The following FGD6 variants were observed in gnomAD, a reference collection of about 807,000 sequenced individuals.
FGD6 encodes FYVE, RhoGEF and PH domain-containing protein 6.
Under a neutral mutation model 149.4 loss-of-function variants are expected in FGD6, and 90 were observed. The ratio of observed to expected loss-of-function variants is 0.60; its 90% CI spans 0.51 to 0.72. The LOEUF (loss-of-function observed/expected upper bound fraction) is 0.72, where lower values mean the gene tolerates loss of function less well. Among genes scored for constraint, FGD6 ranks in the 30% least tolerant of loss-of-function variants. FGD6 has a pLI of 0.00. For missense variants in FGD6, 1,437 were observed against 1,684.8 expected (o/e 0.85, Z 2.57); for synonymous variants, 527 against 584.0 (o/e 0.90, Z 1.41).
rs1428336510 is a variant in FGD6 at position 95,210,858 on chromosome 12, TA to T, written c.425del (p.Leu142Ter). On this transcript the variant is annotated frameshift_variant, in exon 2 of 21. Transcript: ENST00000343958. LOFTEE classifies it high-confidence loss of function. ...VLEPLEMNEN[L>X]ENSKIDETLT... is the part of the protein sequence containing the mutation. ...AAGTCTCATCAATTTTACTGTTTTCTAAATTTTCATTCATTTCCAGGGGCTC... is the reference window on the plus strand; with the variant it reads ...AAGTCTCATCAATTTTACTGTTTTCTAATTTTCATTCATTTCCAGGGGCTC... 6.2e-7 allele frequency: 1 copy of T among 1,610,460 alleles called. No homozygotes were observed.
intron 2 of FGD6, among the ~76,000 whole-genome samples, chr12:95,187,652 CA>C (rs748641850): frequency 1.8e-4 from 19 of 106,678 alleles, no homozygotes; most frequent in African/African-American, 6.3e-4. Flanking sequence ...GCTGCGTCCC[CA>C]AAAAAAAAAC....
chr12:95,167,226 T>C (rs1880845418), intron 3 of FGD6, among the ~76,000 whole-genome samples: 1 of 152,218 alleles, frequency 6.6e-6, no homozygotes, highest in African/African-American at 2.4e-5. Flanking sequence ...TGTGGACATA[T>C]GCTTTCATAT....
chr12:95,196,790 C>T (rs947340456), intron 2 of FGD6, among the ~76,000 whole-genome samples: 1 of 151,760 alleles, frequency 6.6e-6, no homozygotes, highest in Non-Finnish European at 1.5e-5. Context: ...TAGGTACATG[C>T]CACCATGCCT....
intron 7 of FGD6, among the ~76,000 whole-genome samples, chr12:95,137,044 G>A (rs532759083): frequency 5.3e-5 from 8 of 152,240 alleles, no homozygotes; most frequent in Middle Eastern, 3.4e-3. Context: ...TTGGGAGGCC[G>A]AGCAGGGTGG....
chr12:95,084,466 G>A (rs1355271680), intron 20 of FGD6, 32 bp downstream of exon 20: 1 of 1,486,896 alleles, frequency 6.7e-7, no homozygotes, highest in South Asian at 1.5e-5. Context: ...GAAATCTCAT[G>A]AATAAAAGAA....
At chr12:95,133,852 G>A (rs1879590935) in intron 8 of FGD6, among the ~76,000 whole-genome samples, 1 of 152,178 alleles carries the variant, frequency 6.6e-6, no homozygotes, top group African/African-American at 2.4e-5. Context: ...TATCTCATCT[G>A]TGAAGATAAA....
chr12:95,172,793 G>C, intron 2 of FGD6, 49 bp from the exon 3 acceptor site: 1 of 1,452,888 alleles, frequency 6.9e-7, no homozygotes, highest in Middle Eastern at 1.9e-4. Flanking sequence ...AATAAGAAGT[G>C]CTAGCAAAAC....
rs566996786 is a variant in FGD6 at position 95,181,826 on chromosome 12, C to T, written c.2442-9082G>A. On this transcript the variant is annotated intron_variant, in intron 2 of 20. Coordinates refer to ENST00000343958, the MANE Select transcript of FGD6 (RefSeq NM_018351.4). ...AAAATTAGCTGGGCGTGGTGGCGGG[C>T]GCCTGTAGTCCCAGCTACTCAGGAG... Among the ~76,000 whole-genome samples the T allele has an allele frequency of 4.1e-4, 62 of 151,990 alleles. No homozygotes were observed. The East Asian group carries it at 0.011, about 28-fold the overall frequency.
chr12:95,179,409 G>A (rs1439200558), intron 2 of FGD6, among the ~76,000 whole-genome samples: 4 of 152,116 alleles, frequency 2.6e-5, no homozygotes, highest in African/African-American at 7.2e-5. Flanking sequence ...GGAGGCTGAG[G>A]TGGGAGGATC....
Position 95,141,475 on chromosome 12 carries a change from A to T in FGD6, c.2750T>A (p.Ile917Asn), listed in dbSNP as rs1433699794. The T allele has an allele frequency of 6.8e-6, 11 of 1,614,192 alleles. No homozygotes were observed. Among genetic ancestry groups the T allele is most frequent in the Non-Finnish European group, 9.3e-6 (11 of 1,180,028 alleles). ...CAAGTAGTATAGGATCTGATTTAGA[A>T]TCCGGTCCTCAATCACTGGTTTCCC... ...QLGKPVIEDRILNQILYYLPQ... is the reference protein window; with the variant it reads ...QLGKPVIEDRNLNQILYYLPQ... Residue 917 changes from isoleucine to asparagine, a missense_variant, in exon 6 of 21, where the codon ATT becomes AAT. Physicochemically the swap from Ile to Asn is moderately radical, Grantham distance 149. Transcript: ENST00000343958.
intron 14 of FGD6, among the ~76,000 whole-genome samples, chr12:95,103,182 G>C (rs1165755002): frequency 6.6e-6 from 1 of 152,170 alleles, no homozygotes; most frequent in South Asian, 2.1e-4. Flanking sequence ...AAGATGAAAC[G>C]AAGTACTACA....
At chr12:95,157,875 G>C (rs1429792271) in intron 3 of FGD6, among the ~76,000 whole-genome samples, 1 of 152,034 alleles carries the variant, frequency 6.6e-6, no homozygotes, top group Non-Finnish European at 1.5e-5. Flanking sequence ...TTGAGACAGA[G>C]TCTCGTTCTG....
At chr12:95,168,479 C>T (rs1457956985) in intron 3 of FGD6, among the ~76,000 whole-genome samples, 1 of 152,140 alleles carries the variant, frequency 6.6e-6, no homozygotes, top group Non-Finnish European at 1.5e-5. Context: ...GCGTGACCAA[C>T]ATGGAGAAAC....
chr12:95,152,196 A>C (rs1373434775), intron 5 of FGD6, among the ~76,000 whole-genome samples: 2 of 151,974 alleles, frequency 1.3e-5, no homozygotes, highest in African/African-American at 4.8e-5. Flanking sequence ...CATGGTGGTG[A>C]GTGCCTGTAG....
intron 6 of FGD6, among the ~76,000 whole-genome samples, chr12:95,139,237 C>T (rs1323083178): frequency 6.6e-6 from 1 of 152,016 alleles, no homozygotes; most frequent in Non-Finnish European, 1.5e-5. Context: ...CCCAGGAGCA[C>T]AAGACCAGCC....
intron 3 of FGD6, among the ~76,000 whole-genome samples, chr12:95,164,825 T>G (rs146763310): frequency 6.6e-6 from 1 of 152,316 alleles, no homozygotes; most frequent in African/African-American, 2.4e-5. Flanking sequence ...CCAGACTGCC[T>G]GAGAAACATC....
intron 14 of FGD6, among the ~76,000 whole-genome samples, chr12:95,097,770 G>A (rs1235518423): frequency 6.6e-6 from 1 of 152,170 alleles, no homozygotes; most frequent in South Asian, 2.1e-4. Flanking sequence ...TTCACTGGGA[G>A]CCTACTAAGC....
chr12:95,099,207 C>A (rs1367135584), intron 14 of FGD6, among the ~76,000 whole-genome samples: 1 of 152,112 alleles, frequency 6.6e-6, no homozygotes, highest in Admixed American at 6.6e-5. Flanking sequence ...CCACTGTGTC[C>A]CGATGCGCAG....
At chr12:95,090,562 G>A (rs1395691488) in intron 17 of FGD6, among the ~76,000 whole-genome samples, 9 of 152,270 alleles carry the variant, frequency 5.9e-5, no homozygotes, top group African/African-American at 2.2e-4. Flanking sequence ...AATGGGTATA[G>A]GTGATGAGGA....
Sources: allele counts gnomAD v4.1 joint callset (sites outside exome capture counted in the v4.1 genomes callset), GRCh38; gene constraint gnomAD v4.1.1; transcripts MANE v1.5; gene names NCBI Gene and HGNC (gene_info 2026-07-23, HGNC 2026-07-21).